The following FGF3 variants were observed in gnomAD, a reference collection of about 807,000 sequenced individuals.
FGF3 encodes the protein fibroblast growth factor 3.
Under a neutral mutation model 9.8 loss-of-function variants are expected in FGF3, and 7 were observed. The observed-to-expected ratio is 0.72, with a 90% CI of 0.41 to 1.35. The LOEUF is 1.35. FGF3 is among the 40% of genes most tolerant of loss of function. The pLI is 0.01. For synonymous variants in FGF3, 173 were observed against 157.2 expected, an observed-to-expected ratio of 1.10 and a Z score of -0.75; for missense variants, 390 against 345.6, an observed-to-expected ratio of 1.13 and a Z score of -1.02.
In FGF3 at chr11:69,819,021, G is replaced by A; in HGVS notation, c.-88C>T. 1.2e-6 allele frequency: 1 copy of A among 858,122 alleles called. No homozygotes were observed. Among genetic ancestry groups the A allele is most frequent in the Non-Finnish European group, 1.7e-6 (1 of 602,260 alleles). 53.2% of individuals were successfully genotyped at this position (858,122 alleles called of 1,614,324 possible). On this transcript the variant is annotated 5_prime_UTR_variant, in exon 1 of 3. Coordinates refer to ENST00000334134, the MANE Select transcript of FGF3 (RefSeq NM_005247.4). ...GGCGGCAGCCGGACAGCTGCGAGGT[G>A]CTCGGAGCGGGATCCCGCGCCTGGA...
chr11:69,813,700 ATAGG>A (rs1216166590), intron 2 of FGF3, among the ~76,000 whole-genome samples: 5 of 111,660 alleles, frequency 4.5e-5, no homozygotes, highest in Admixed American at 8.4e-5. Flanking sequence ...GGATGGATGG[ATAGG>A]TGGATGGATG....
Position 69,810,151 on chromosome 11 carries a change from A to G in FGF3, c.*154T>C. On this transcript the variant is annotated 3_prime_UTR_variant, in exon 3 of 3. Transcript: ENST00000334134. ...CCGAGCTCCGACTTGGGCCCTCTTC[A>G]GTTCCCACTGGACCCTGATTTGAGC... 1 of 735,342 alleles carries G rather than the reference A, an allele frequency of 1.4e-6. No homozygotes were observed. The highest frequency in any genetic ancestry group is 2.1e-6 in the Non-Finnish European group (1 of 472,020). The allele number at this position is 735,342 out of a possible 1,614,324, so 45.6% of individuals were successfully genotyped here. A position where few individuals can be genotyped will look rare whatever the true frequency, so the allele number is the denominator to read the frequency against.
intron 2 of FGF3, among the ~76,000 whole-genome samples, chr11:69,814,875 C>T (rs1856100628): frequency 6.6e-6 from 1 of 152,212 alleles, no homozygotes; most frequent in Admixed American, 6.5e-5. Flanking sequence ...CACTGGGACC[C>T]CCTCATGTCA....
intron 2 of FGF3, among the ~76,000 whole-genome samples, chr11:69,813,263 G>C (rs781991284): frequency 6.6e-6 from 1 of 152,186 alleles, no homozygotes; most frequent in Non-Finnish European, 1.5e-5. Flanking sequence ...TGTGGCCTGA[G>C]CAGTACAGAT....
At chr11:69,818,490 T>C (rs1383799177) in intron 1 of FGF3, among the ~76,000 whole-genome samples, 2 of 151,776 alleles carry the variant, frequency 1.3e-5, no homozygotes, top group African/African-American at 2.4e-5. Flanking sequence ...CAGCGCGCGC[T>C]CTTCTCCCGG....
At chr11:69,813,848 A>ATGGG (rs1590963220) in intron 2 of FGF3, among the ~76,000 whole-genome samples, 74 of 61,160 alleles carry the variant, frequency 1.2e-3, no homozygotes, top group East Asian at 3.1e-3. Flanking sequence ...GGCTGGTTGG[A>ATGGG]TGGATGGGTG....
At chr11:69,816,298 C>T (rs782319059) in intron 2 of FGF3, 22 bp downstream of exon 2, 1 of 1,580,234 alleles carries the variant, frequency 6.3e-7, no homozygotes, top group African/African-American at 1.3e-5. Flanking sequence ...CAGCGCCCAC[C>T]CACGTGACAG....
chr11:69,812,897 G>A (rs542681411), intron 2 of FGF3, among the ~76,000 whole-genome samples: 8 of 152,196 alleles, frequency 5.3e-5, no homozygotes, highest in Non-Finnish European at 1.0e-4. Flanking sequence ...CTCTCCCAAG[G>A]TGGGAGATTG....
intron 2 of FGF3, 28 bp downstream of exon 2, chr11:69,816,292 G>T: frequency 1.3e-6 from 2 of 1,539,106 alleles, no homozygotes; most frequent in South Asian, 1.1e-5. Context: ...CTCCGTCAGC[G>T]CCCACCCACG....
intron 1 of FGF3, among the ~76,000 whole-genome samples, chr11:69,816,644 AG>A (rs1426224842): frequency 1.9e-4 from 29 of 152,170 alleles, no homozygotes; most frequent in Non-Finnish European, 4.4e-5. Context: ...CAAACTTGGG[AG>A]GGTAACAATG....
chr11:69,816,323 A>G lies in FGF3; in HGVS notation c.321T>C (p.Ala107=), dbSNP rs1176831196. 2.5e-6 allele frequency: 4 copies of G among 1,612,898 alleles called. No homozygotes were observed. Among genetic ancestry groups the G allele is most frequent in the Non-Finnish European group, 3.4e-6 (4 of 1,178,994 alleles). The change falls in exon 2 of 3, where the codon GCT becomes GCC. Residue 107 remains alanine, a synonymous_variant. Transcript: ENST00000334134. The stretch of plus-strand genomic sequence containing the variant: ...CCACGTGACAGCCTGGACTCACCGA[A>G]GCATAGAGTCGTCCCCTCTTGTTCA... ...LAMNKRGRLY[A]SEHYSAECEF... is the part of the protein sequence containing the mutation.
At chr11:69,812,624 T>A (rs1856046934) in intron 2 of FGF3, among the ~76,000 whole-genome samples, 1 of 152,134 alleles carries the variant, frequency 6.6e-6, no homozygotes, top group African/African-American at 2.4e-5. Flanking sequence ...GCTCAGCGAC[T>A]ATCTGGGAAT....
Position 69,810,530 on chromosome 11 carries a change from C to T in FGF3, c.495G>A (p.Arg165=), listed in dbSNP as rs782492109. The T allele has an allele frequency of 6.2e-7, 1 of 1,611,564 alleles. No homozygotes were observed. The highest frequency in any genetic ancestry group is 1.7e-5 in the Admixed American group (1 of 59,852). ...TCTGTGTGCGGCGGGTCTTGAAGCC[C>T]CTGCGGGGCCGGCCCTTGCCGTTCA... ...VSVNGKGRPR[R]GFKTRRTQKS... is the part of the protein sequence containing the mutation. Residue 165 remains arginine (R), a synonymous_variant, in exon 3 of 3, where the codon AGG becomes AGA. Coordinates refer to ENST00000334134, the MANE Select transcript of FGF3 (RefSeq NM_005247.4).
intron 1 of FGF3, among the ~76,000 whole-genome samples, 181 bp downstream of exon 1, chr11:69,818,533 C>T (rs1856180008): frequency 1.3e-5 from 2 of 151,386 alleles, no homozygotes; most frequent in Admixed American, 6.6e-5. Context: ...CCTGGCATTC[C>T]CCTTCTGGCA....
intron 2 of FGF3, among the ~76,000 whole-genome samples, chr11:69,812,898 T>C (rs1856051158): frequency 6.6e-6 from 1 of 151,748 alleles, no homozygotes; most frequent in East Asian, 1.9e-4. Context: ...TCTCCCAAGG[T>C]GGGAGATTGG....
rs936655248 is a variant in FGF3, at chr11:69,819,374, G to C, written c.-441C>G. On this transcript the variant is annotated 5_prime_UTR_variant, in exon 1 of 3. Coordinates refer to ENST00000334134, the MANE Select transcript of FGF3 (RefSeq NM_005247.4). ...CGCACCGCCGTCGAGCCGCGGCTCCGCTCCGCAGCGCGCCCCACGCCCCCG... is the reference window on the plus strand; with the variant it reads ...CGCACCGCCGTCGAGCCGCGGCTCCCCTCCGCAGCGCGCCCCACGCCCCCG... Among the ~76,000 whole-genome samples the C allele has an allele frequency of 2.0e-5, 3 of 151,754 alleles. No individual in the cohort carries two copies. The highest frequency in any genetic ancestry group is 4.0e-4 in the East Asian group (2 of 5,050).
intron 2 of FGF3, among the ~76,000 whole-genome samples, chr11:69,814,243 CT>C (rs1856091699): frequency 1.3e-5 from 2 of 151,938 alleles, no homozygotes; most frequent in African/African-American, 2.4e-5. Flanking sequence ...TTAAGGCGTG[CT>C]CTCAGGGATG....
At chr11:69,813,696 A>T (rs797037079) in intron 2 of FGF3, among the ~76,000 whole-genome samples, 3 of 97,750 alleles carry the variant, frequency 3.1e-5, no homozygotes, top group Non-Finnish European at 4.3e-5. Context: ...GGGTGGATGG[A>T]TGGATAGGTG....
In FGF3 at chr11:69,818,713, C is replaced by T; in HGVS notation, c.220+1G>A. On this transcript the variant is annotated splice_donor_variant, in intron 1 of 2. Coordinates refer to ENST00000334134, the MANE Select transcript of FGF3 (RefSeq NM_005247.4). LOFTEE classifies it high-confidence loss of function. ...GGGGCCCCGCAGCGTCCGGCACTCA[C>T]TGTAGGCGCTGTTCTCCAGGCTGCC... The T allele has an allele frequency of 6.7e-7, 1 of 1,485,844 alleles. No individual in the cohort carries two copies. Among genetic ancestry groups the T allele is most frequent in the South Asian group, 1.3e-5 (1 of 79,244 alleles). The allele number at this position is 1,485,844 out of a possible 1,614,324, so 92.0% of individuals were successfully genotyped here. A position where few individuals can be genotyped will look rare whatever the true frequency, so the allele number is the denominator to read the frequency against.
Sources: gnomAD v4.1 joint callset for allele counts (sites outside exome capture counted in the v4.1 genomes callset) on GRCh38, gnomAD v4.1.1 for gene constraint, MANE v1.5 for transcripts, NCBI Gene and HGNC (gene_info 2026-07-23, HGNC 2026-07-21) for gene names.